Variants in GALNT16 observed in about 807,000 individuals in gnomAD.
The protein encoded by GALNT16 is UDP-GalNAc:polypeptide N-acetylgalactosaminyltransferase-like protein 1.
A neutral mutation model predicts 76.1 loss-of-function variants in GALNT16; 40 were observed. That is an observed-to-expected ratio of 0.53 (90% CI 0.41 to 0.68). The LOEUF is 0.68. GALNT16 is among the 30% of genes least tolerant of loss of function. The pLI, the probability that GALNT16 is intolerant of heterozygous loss-of-function variation, is 0.00. For synonymous variants in GALNT16, 276 were observed against 285.2 expected (o/e 0.97, Z 0.32); for missense variants, 621 against 731.9 (o/e 0.85, Z 1.75).
At chr14:69,380,344 AAG>A in the GALNT16 span, 5 of 424,200 alleles carry the variant, frequency 1.2e-5, no homozygotes, top group African/African-American at 4.1e-5. Context: ...AAAAAAAAGA[AAG>A]AGAAAGAAAA....
intron 1 of GALNT16, among the ~76,000 whole-genome samples, chr14:69,266,666 T>A (rs979048258): frequency 5.3e-5 from 8 of 152,048 alleles, no homozygotes; most frequent in African/African-American, 1.9e-4. Context: ...CCAGGGTTTC[T>A]CTCCACACTC....
chr14:69,265,142 A>G (rs780238554), intron 1 of GALNT16, among the ~76,000 whole-genome samples: 4 of 151,848 alleles, frequency 2.6e-5, no homozygotes, highest in Non-Finnish European at 4.4e-5. Context: ...AAAGGGCCTG[A>G]TTTCCTGTCA....
At chr14:69,282,018 A>G (rs1452855037) in intron 1 of GALNT16, among the ~76,000 whole-genome samples, 3 of 152,194 alleles carry the variant, frequency 2.0e-5, no homozygotes, top group African/African-American at 7.2e-5. Context: ...ACGTTACATC[A>G]TGGGGTTTGT....
chr14:69,326,620 G>T (rs1006195988), intron 5 of GALNT16, among the ~76,000 whole-genome samples: 2 of 152,184 alleles, frequency 1.3e-5, no homozygotes, highest in Non-Finnish European at 2.9e-5. Context: ...GGGTGTGGGG[G>T]CATCATGAGA....
At chr14:69,325,300 A>G in intron 3 of GALNT16, 37 bp from the exon 4 acceptor site, 1 of 1,383,898 alleles carries the variant, frequency 7.2e-7, no homozygotes, top group Non-Finnish European at 1.0e-6. Flanking sequence ...GTGGTTCCTA[A>G]ATCCAGGCTC....
At chr14:69,279,027 G>T (rs2044507669) in intron 1 of GALNT16, among the ~76,000 whole-genome samples, 1 of 151,966 alleles carries the variant, frequency 6.6e-6, no homozygotes, top group Non-Finnish European at 1.5e-5. Context: ...CGCTTCCCAG[G>T]TTCAAGCGAT....
At chr14:69,347,297 A>T in intron 13 of GALNT16, 116 bp downstream of exon 13, 1 of 1,114,680 alleles carries the variant, frequency 9.0e-7, no homozygotes, top group East Asian at 2.7e-5. Context: ...ACACAAACCC[A>T]CTTTGCCAGG....
chr14:69,373,257 A>G, the GALNT16 span, among the ~76,000 whole-genome samples: 1 of 152,222 alleles, frequency 6.6e-6, no homozygotes, highest in Admixed American at 6.5e-5. Flanking sequence ...GGGAGTTAGT[A>G]TTACCATGAC....
chr14:69,269,226 G>A (rs984227600), intron 1 of GALNT16, among the ~76,000 whole-genome samples: 1 of 152,116 alleles, frequency 6.6e-6, no homozygotes, highest in Admixed American at 6.6e-5. Flanking sequence ...AATGTTCTGT[G>A]TCTTGGAACA....
chr14:69,329,081 G>GGA (rs2045321838), intron 6 of GALNT16, among the ~76,000 whole-genome samples: 1 of 152,222 alleles, frequency 6.6e-6, no homozygotes, highest in Admixed American at 6.5e-5. Flanking sequence ...AAAGGGGCCT[G>GGA]GAGCGGTGGC....
At chr14:69,328,646 G>A (rs2045316194) in intron 6 of GALNT16, 75 bp downstream of exon 6, 1 of 1,488,472 alleles carries the variant, frequency 6.7e-7, no homozygotes, top group Non-Finnish European at 9.1e-7. Flanking sequence ...AGGCCTATGG[G>A]ACAGTATTTG....
chr14:69,383,812 A>C, the GALNT16 span, among the ~76,000 whole-genome samples: 1 of 152,302 alleles, frequency 6.6e-6, no homozygotes, highest in South Asian at 2.1e-4. Context: ...TTGTATTAAA[A>C]ATCAGTTTAG....
At chr14:69,327,528 G>A (rs2045301185) in intron 5 of GALNT16, among the ~76,000 whole-genome samples, 1 of 152,204 alleles carries the variant, frequency 6.6e-6, no homozygotes, top group Non-Finnish European at 1.5e-5. Flanking sequence ...TTTGACAACA[G>A]TAAATGTAAA....
At chr14:69,260,136 A>ACACAC, upstream of GALNT16, 1 of 113,994 alleles carries the variant, frequency 8.8e-6, no homozygotes, top group Non-Finnish European at 1.8e-5. Flanking sequence ...TCTCCCTATC[A>ACACAC]CCCCCCCGCC....
Position 69,352,301 on chromosome 14 carries a change from T to C in GALNT16, c.*133T>C, listed in dbSNP as rs1371604214. ...CAGGACCATCAGCAAATACCCACCA[T>C]GACACACGTTCTCCAAAGCTTGTTC... On this transcript the variant is annotated 3_prime_UTR_variant, in exon 15 of 15. Coordinates refer to ENST00000448469, the MANE Select transcript of GALNT16 (RefSeq NM_001168368.2). 6.2e-6 allele frequency: 5 copies of C among 812,716 alleles called. No homozygotes were observed. Among genetic ancestry groups the C allele is most frequent in the Non-Finnish European group, 9.4e-6 (5 of 529,536 alleles). The allele number at this position is 812,716 out of a possible 1,614,324, so 50.3% of individuals were successfully genotyped here.
the GALNT16 span, among the ~76,000 whole-genome samples, chr14:69,376,055 G>A: frequency 6.6e-6 from 1 of 151,378 alleles, no homozygotes; most frequent in Admixed American, 6.6e-5. Flanking sequence ...TTTTATTTTT[G>A]AGATACTGTC....
At chr14:69,355,097 G>C (rs2045683401), downstream of GALNT16, 1 of 152,236 alleles carries the variant, frequency 6.6e-6, no homozygotes, top group South Asian at 2.1e-4. Context: ...AACCTACCCA[G>C]GTAAAAATAA....
At position 69,260,379 on chromosome 14, in the gene GALNT16, C is replaced by G; in HGVS notation, c.89C>G (p.Ala30Gly). The change falls in exon 1 of 15, where the codon GCC (alanine) becomes GGC (glycine). Residue 30 changes from alanine (A) to glycine (G), a missense_variant. Physicochemically the swap from Ala to Gly is moderately conservative, Grantham distance 60. Transcript: ENST00000448469. ...TFYYLWQDNRAHAASSGGRGA... is the reference protein window; with the variant it reads ...TFYYLWQDNRGHAASSGGRGA... ...TACTACTTATGGCAGGACAACCGAGCCCACGCAGCATCCTCCGGCGGCCGG... is the reference window on the plus strand; with the variant it reads ...TACTACTTATGGCAGGACAACCGAGGCCACGCAGCATCCTCCGGCGGCCGG... 6.2e-7 allele frequency: 1 copy of G among 1,611,126 alleles called. No homozygotes were observed. The highest frequency in any genetic ancestry group is 8.5e-7 in the Non-Finnish European group (1 of 1,178,966).
At chr14:69,344,440 T>C (rs1483905276) in intron 12 of GALNT16, among the ~76,000 whole-genome samples, 1 of 152,220 alleles carries the variant, frequency 6.6e-6, no homozygotes, top group Non-Finnish European at 1.5e-5. Flanking sequence ...TCTTGGGGAA[T>C]GGATCTAATG....
Sources: gnomAD v4.1 joint callset for allele counts (sites outside exome capture counted in the v4.1 genomes callset) on GRCh38, gnomAD v4.1.1 for gene constraint, MANE v1.5 for transcripts, NCBI Gene and HGNC (gene_info 2026-07-23, HGNC 2026-07-21) for gene names.